TEX15: variants seen among roughly 807,000 people sequenced by gnomAD.
TEX15 encodes the protein testis expressed 15, meiosis and synapsis associated.
In TEX15, 171 loss-of-function variants were observed where a neutral mutation model predicts 237.3. The observed-to-expected ratio is 0.72, with a 90% CI of 0.64 to 0.82. The LOEUF (loss-of-function observed/expected upper bound fraction) is 0.82. Among genes scored for constraint, TEX15 ranks in the 40% least tolerant of loss-of-function variants. The pLI is 0.00. For missense variants in TEX15, 3,750 were observed against 3,646.5 expected, an observed-to-expected ratio of 1.03 and a Z score of -0.73; for synonymous variants, 1,338 against 1,269.8, an observed-to-expected ratio of 1.05 and a Z score of -1.14.
In TEX15 at chr8:30,859,991, A is replaced by G; in HGVS notation, c.607T>C (p.Ser203Pro). The change falls in exon 6 of 11, where the codon TCT becomes CCT. Residue 203 changes from serine (S) to proline (P), a missense_variant. Ser to Pro is a moderately conservative substitution (Grantham distance 74, BLOSUM62 -1). Coordinates refer to ENST00000643185, the MANE Select transcript of TEX15 (RefSeq NM_001350162.2). ...GACATATGGCAATCAAAGTTAGGAG[A>G]AGGATCCAAAGAAACTTTATTTTTA... ...VDKNKVSLDP[S>P]PNFDCHMSRN... is the part of the protein sequence containing the mutation. 6.6e-7 allele frequency: 1 copy of G among 1,517,500 alleles called. No homozygotes were observed. Among genetic ancestry groups the G allele is most frequent in the Non-Finnish European group, 8.8e-7 (1 of 1,140,146 alleles). The allele number at this position is 1,517,500 out of a possible 1,614,324, so 94.0% of individuals were successfully genotyped here.
In TEX15 at chr8:30,844,090, A is replaced by C; in HGVS notation, c.6077T>G (p.Ile2026Ser). ...AAAAGCTTCCACAAATAAAGGGAGA[A>C]TATTTAGACAAACCTTAGTTTCTTC... is the stretch of plus-strand genomic sequence containing the variant. Reference protein sequence around the residue: ...LQEETKVCLNILPLFVEAFER... With the variant: ...LQEETKVCLNSLPLFVEAFER... The change falls in exon 8 of 11, where the codon ATT becomes AGT. Residue 2026 changes from isoleucine (I) to serine (S), a missense_variant. Ile to Ser is a moderately radical substitution (Grantham distance 142). Transcript: ENST00000643185. 1.2e-6 allele frequency: 2 copies of C among 1,612,852 alleles called. No homozygotes were observed. The highest frequency in any genetic ancestry group is 1.7e-6 in the Non-Finnish European group (2 of 1,179,494).
At chr8:30,855,123 C>G (rs764205759) in intron 7 of TEX15, among the ~76,000 whole-genome samples, 13 of 151,120 alleles carry the variant, frequency 8.6e-5, no homozygotes, top group Non-Finnish European at 1.8e-4. Context: ...GGCAATTATG[C>G]AAAAAAAGAC....
In TEX15 at chr8:30,846,394, C is replaced by T. The variant is rs1377152438; in HGVS notation, c.3773G>A (p.Ser1258Asn). ...AGAAGGTTCAGTAAACAAAGATTCACTGTTCTGATTTTCAGACGTATGATT... is the reference window on the plus strand; with the variant it reads ...AGAAGGTTCAGTAAACAAAGATTCATTGTTCTGATTTTCAGACGTATGATT... ...DVNHTSENQN[S>N]ESLFTEPSNV... Residue 1258 changes from serine (S) to asparagine (N), a missense_variant, in exon 8 of 11, where the codon AGT (serine) becomes AAT (asparagine). Physicochemically the swap from Ser to Asn is conservative, Grantham distance 46. Coordinates refer to ENST00000643185, the MANE Select transcript of TEX15 (RefSeq NM_001350162.2). 2 of 1,613,264 alleles carry T rather than the reference C, an allele frequency of 1.2e-6. No individual in the cohort carries two copies. Among genetic ancestry groups the T allele is most frequent in the Non-Finnish European group, 1.7e-6 (2 of 1,179,700 alleles).
intron 3 of TEX15, among the ~76,000 whole-genome samples, chr8:30,877,772 G>C (rs58793679): frequency 0.21 from 32,229 of 151,948 alleles, 4,684 homozygotes; most frequent in African/African-American, 0.4. Context: ...TCAAAACTAG[G>C]AAAATGACAT....
At chr8:30,889,940 T>TATATATACAC (rs1554502301) in intron 2 of TEX15, among the ~76,000 whole-genome samples, 13 of 129,922 alleles carry the variant, frequency 1.0e-4, no homozygotes, top group South Asian at 6.6e-4. Flanking sequence ...TATACATATA[T>TATATATACAC]ATATATATAT....
chr8:30,848,373 T>C lies in TEX15; in HGVS notation c.1794A>G (p.Gln598=), dbSNP rs757011237. The C allele has an allele frequency of 1.2e-6, 2 of 1,614,180 alleles. No individual in the cohort carries two copies. The highest frequency in any genetic ancestry group is 1.7e-6 in the Non-Finnish European group (2 of 1,180,010). ...TTTTGAGTGGAAAAACTGTAGACGT[T>C]TGGCAACCAGTCTGATAAATTGTTT... is the stretch of plus-strand genomic sequence containing the variant. ...DLKTIYQTGC[Q]TSTVFPLKKK... is the part of the protein sequence containing the mutation. Residue 598 remains glutamine, a synonymous_variant, in exon 8 of 11, where the codon CAA becomes CAG. Coordinates refer to ENST00000643185, the MANE Select transcript of TEX15 (RefSeq NM_001350162.2).
intron 3 of TEX15, among the ~76,000 whole-genome samples, chr8:30,882,783 G>C (rs1464343699): frequency 2.6e-5 from 4 of 152,120 alleles, no homozygotes; most frequent in African/African-American, 7.2e-5. Context: ...TTTATCAATT[G>C]AGAGTACAAA....
In TEX15 at chr8:30,837,546, T is replaced by A. The variant is rs779145504; in HGVS notation, c.8738A>T (p.Asp2913Val). The change falls in exon 10 of 11, where the codon GAC becomes GTC. Residue 2913 changes from aspartate (D) to valine (V), a missense_variant. By Grantham distance (152) the Asp-to-Val change is radical. Transcript: ENST00000643185. ...ATTATCTTGAAGTTCAAAGACTGTG[T>A]CATTCATTTCTAGATCAGGATGGAC... is the stretch of plus-strand genomic sequence containing the variant. ...KDVHPDLEMN[D>V]TVFELQDNDI... 1 of 1,613,960 alleles carries A rather than the reference T, an allele frequency of 6.2e-7. No homozygotes were observed. The highest frequency in any genetic ancestry group is 8.5e-7 in the Non-Finnish European group (1 of 1,179,920).
intron 5 of TEX15, among the ~76,000 whole-genome samples, chr8:30,865,613 G>A (rs186086946): frequency 1.3e-5 from 2 of 152,188 alleles, no homozygotes; most frequent in East Asian, 3.9e-4. Flanking sequence ...GACCAAGTGG[G>A]ATTCATACCA....
intron 7 of TEX15, among the ~76,000 whole-genome samples, chr8:30,852,335 C>T (rs377367837): frequency 2.0e-5 from 3 of 151,880 alleles, no homozygotes; most frequent in East Asian, 3.9e-4. Context: ...AGTCGTGATC[C>T]GCCCGCCTTG....
At chr8:30,871,543 C>G (rs930340228) in intron 4 of TEX15, among the ~76,000 whole-genome samples, 1 of 152,048 alleles carries the variant, frequency 6.6e-6, no homozygotes, top group Non-Finnish European at 1.5e-5. Context: ...GCTTGTACAT[C>G]AATAAACTCA....
At chr8:30,861,743 T>C (rs917717917) in intron 5 of TEX15, among the ~76,000 whole-genome samples, 2 of 152,026 alleles carry the variant, frequency 1.3e-5, no homozygotes, top group Non-Finnish European at 2.9e-5. Context: ...TACTAAAAAA[T>C]TAAAAACGTG....
chr8:30,868,269 T>C (rs556843385), intron 4 of TEX15, among the ~76,000 whole-genome samples: 1 of 152,114 alleles, frequency 6.6e-6, no homozygotes, highest in African/African-American at 2.4e-5. Context: ...CATTTAAACA[T>C]ATAAAATATA....
At chr8:30,882,346 G>A (rs1808547567) in intron 3 of TEX15, among the ~76,000 whole-genome samples, 1 of 152,180 alleles carries the variant, frequency 6.6e-6, no homozygotes, top group African/African-American at 2.4e-5. Flanking sequence ...GAGTGTAGTG[G>A]CGCAATCTCA....
chr8:30,841,671 T>A (rs1807455623), intron 8 of TEX15, among the ~76,000 whole-genome samples: 1 of 152,202 alleles, frequency 6.6e-6, no homozygotes, highest in African/African-American at 2.4e-5. Context: ...GAAAAGCTAC[T>A]CAATAAATAT....
intron 2 of TEX15, among the ~76,000 whole-genome samples, chr8:30,888,262 G>A (rs1400665331): frequency 6.6e-6 from 1 of 151,814 alleles, no homozygotes; most frequent in African/African-American, 2.4e-5. Context: ...ACATTTCTGT[G>A]ACTAAAACGA....
intron 2 of TEX15, chr8:30,887,889 C>CAT (rs36204928): frequency 0.041 from 4,446 of 107,416 alleles, 117 homozygotes; most frequent in Non-Finnish European, 0.059. Context: ...ATATATATTT[C>CAT]ATATATATAT....
chr8:30,902,958 C>G (rs548265872), intron 1 of TEX15, among the ~76,000 whole-genome samples: 14 of 152,238 alleles, frequency 9.2e-5, no homozygotes, highest in Admixed American at 2.6e-4. Flanking sequence ...TGTCTGTTGC[C>G]CCTCAGGGAA....
chr8:30,895,634 G>C (rs1406644572), intron 2 of TEX15, among the ~76,000 whole-genome samples: 1 of 142,804 alleles, frequency 7.0e-6, no homozygotes, highest in Non-Finnish European at 1.5e-5. Context: ...TAAATGTATA[G>C]GTTATTCAAG....
Sources: allele counts gnomAD v4.1 joint callset (sites outside exome capture counted in the v4.1 genomes callset), GRCh38; gene constraint gnomAD v4.1.1; transcripts MANE v1.5; gene names NCBI Gene and HGNC (gene_info 2026-07-23, HGNC 2026-07-21).